Variants in LIPH observed in about 807,000 individuals in gnomAD.
LIPH encodes the protein lipase H.
Under a neutral mutation model 47.6 loss-of-function variants are expected in LIPH, and 32 were observed. The ratio of observed to expected loss-of-function variants is 0.67; its 90% CI spans 0.51 to 0.90. The LOEUF (loss-of-function observed/expected upper bound fraction) is 0.90. Ranked by LOEUF, LIPH falls within the 40% of genes least tolerant of loss-of-function variation. The pLI is 0.00. For synonymous variants in LIPH, 190 were observed against 195.6 expected, an observed-to-expected ratio of 0.97 and a Z score of 0.24; for missense variants, 497 against 541.4, an observed-to-expected ratio of 0.92 and a Z score of 0.81.
chr3:185,506,617 A>C lies in LIPH; in HGVS notation c.*2173T>G, dbSNP rs1354545368. On this transcript the variant is annotated 3_prime_UTR_variant, in exon 10 of 10. Coordinates refer to ENST00000296252, the MANE Select transcript of LIPH (RefSeq NM_139248.3). ...CCCAGAACTTTGAGAGGCCAAGGCC[A>C]GTGGATCACAAGGTCAGGAGTTCAA... is the stretch of plus-strand genomic sequence containing the variant. The C allele has an allele frequency of 6.6e-6, 1 of 152,076 alleles. No individual in the cohort carries two copies. The highest frequency in any genetic ancestry group is 1.5e-5 in the Non-Finnish European group (1 of 68,034). The allele number at this position is 152,076 out of a possible 1,614,324, so 9.4% of individuals were successfully genotyped here.
chr3:185,514,587 T>G, intron 7 of LIPH, 66 bp from the exon 8 acceptor site: 1 of 778,426 alleles, frequency 1.3e-6, no homozygotes, highest in Non-Finnish European at 2.4e-6. Flanking sequence ...AAGGGCTGGT[T>G]CCTAAAAACT....
At chr3:185,537,490 G>A (rs1720537846) in intron 1 of LIPH, among the ~76,000 whole-genome samples, 1 of 152,088 alleles carries the variant, frequency 6.6e-6, no homozygotes, top group Non-Finnish European at 1.5e-5. Context: ...TAAGTCGCAT[G>A]CTCCTGGGAA....
rs763397105 is a variant in LIPH, at chr3:185,519,300, T to C, written c.728A>G (p.Tyr243Cys). ...CPKTILGGFQ[Y>C]FKCDHQRSVY... ...AGACCTCTGGTGGTCACATTTAAAA[T>C]ACTGAAATCCTTGGTTGTAAAAGAA... is the stretch of plus-strand genomic sequence containing the variant. The change falls in exon 6 of 10, where the codon TAT (tyrosine) becomes TGT (cysteine). Residue 243 changes from tyrosine (Y) to cysteine (C), a missense_variant. Coordinates refer to ENST00000296252, the MANE Select transcript of LIPH (RefSeq NM_139248.3). The C allele has an allele frequency of 6.2e-7, 1 of 1,612,084 alleles. No individual in the cohort carries two copies. Among genetic ancestry groups the C allele is most frequent in the Non-Finnish European group, 8.5e-7 (1 of 1,178,320 alleles).
At chr3:185,537,649 T>C (rs1283813950) in intron 1 of LIPH, among the ~76,000 whole-genome samples, 1 of 152,110 alleles carries the variant, frequency 6.6e-6, no homozygotes, top group Non-Finnish European at 1.5e-5. Context: ...TTGTTCCTGG[T>C]TGTGCAACTG....
intron 1 of LIPH, among the ~76,000 whole-genome samples, chr3:185,547,397 T>C (rs74474250): frequency 0.047 from 7,088 of 152,248 alleles, 282 homozygotes; most frequent in South Asian, 0.21. Flanking sequence ...AGTTTTGGTT[T>C]CTAAGGTGTG....
chr3:185,524,205 C>G (rs771258550), intron 4 of LIPH, 45 bp from the exon 5 acceptor site: 2 of 1,141,028 alleles, frequency 1.8e-6, no homozygotes, highest in Non-Finnish European at 2.7e-6. Context: ...TGAATTTTTC[C>G]TATCTCACAG....
At position 185,506,498 on chromosome 3, in the gene LIPH, A is replaced by C. The variant is rs1425170872; in HGVS notation, c.*2292T>G. 1.3e-5 allele frequency: 2 copies of C among 151,044 alleles called. No individual in the cohort carries two copies. Among genetic ancestry groups the C allele is most frequent in the Non-Finnish European group, 2.9e-5 (2 of 68,032 alleles). 9.4% of individuals were successfully genotyped at this position (151,044 alleles called of 1,614,324 possible). On this transcript the variant is annotated 3_prime_UTR_variant, in exon 10 of 10. Coordinates refer to ENST00000296252, the MANE Select transcript of LIPH (RefSeq NM_139248.3). The stretch of plus-strand genomic sequence containing the variant: ...GTTTTGACTCCCTGCTTACCAGGAA[A>C]GAGAACAAAAAAGTGACTGTGCTGA...
intron 1 of LIPH, among the ~76,000 whole-genome samples, chr3:185,549,890 A>T (rs1170020689): frequency 6.6e-6 from 1 of 152,150 alleles, no homozygotes; most frequent in Non-Finnish European, 1.5e-5. Context: ...AGATTCCAGG[A>T]TCTCACTCCC....
Position 185,541,762 on chromosome 3 carries a change from A to T in LIPH, c.50-6630T>A, listed in dbSNP as rs576928587. Among the ~76,000 whole-genome samples the T allele has an allele frequency of 2.4e-3, 338 of 140,344 alleles. 2 individuals are homozygous for T. The highest frequency in any genetic ancestry group is 3.3e-3 in the Non-Finnish European group (215 of 64,876). 92.1% of individuals were successfully genotyped at this position (140,344 alleles called of 152,430 possible). On this transcript the variant is annotated intron_variant, in intron 1 of 9. Transcript: ENST00000296252. ...TTTATTTATTTATTTATTTATTATT[A>T]TTTTTTTTTTTAGAGACAGAGTCTC...
intron 1 of LIPH, among the ~76,000 whole-genome samples, chr3:185,541,948 G>T (rs1208084356): frequency 6.6e-6 from 1 of 151,424 alleles, no homozygotes; most frequent in Non-Finnish European, 1.5e-5. Flanking sequence ...GTAGAGACAG[G>T]TTTTCGCCAT....
At chr3:185,517,980 C>T (rs972948499) in intron 6 of LIPH, among the ~76,000 whole-genome samples, 12 of 152,142 alleles carry the variant, frequency 7.9e-5, no homozygotes, top group Non-Finnish European at 1.3e-4. Flanking sequence ...TACGTGCACA[C>T]AAGAGCCAGA....
At chr3:185,547,643 C>T (rs775598566) in intron 1 of LIPH, among the ~76,000 whole-genome samples, 1 of 151,722 alleles carries the variant, frequency 6.6e-6, no homozygotes, top group Non-Finnish European at 1.5e-5. Flanking sequence ...GCCAACATGG[C>T]GAAACCCCGT....
intron 8 of LIPH, among the ~76,000 whole-genome samples, chr3:185,514,033 C>T (rs1267713648): frequency 1.3e-5 from 2 of 152,070 alleles, no homozygotes; most frequent in African/African-American, 4.8e-5. Context: ...ATTAAATCAG[C>T]ATATTCATTT....
At chr3:185,529,964 AGGAAAGAAAGAAAG>A (rs201806524) in intron 3 of LIPH, among the ~76,000 whole-genome samples, 3,788 of 55,674 alleles carry the variant, frequency 0.068, 110 homozygotes, top group Middle Eastern at 0.15. Flanking sequence ...GAAAGAAAGA[AGGAAAGAAAGAAAG>A]AGAGAGAGAG....
At chr3:185,528,773 A>C (rs1720207939) in intron 3 of LIPH, among the ~76,000 whole-genome samples, 1 of 152,148 alleles carries the variant, frequency 6.6e-6, no homozygotes, top group African/African-American at 2.4e-5. Context: ...ACCCTTGGTC[A>C]ATGTTATTTG....
At chr3:185,548,745 A>AAAAAC (rs199898458) in intron 1 of LIPH, among the ~76,000 whole-genome samples, 3,783 of 151,484 alleles carry the variant, frequency 0.025, 107 homozygotes, top group South Asian at 0.067. Context: ...AAAACAAAAC[A>AAAAAC]AAAACAAAAC....
At chr3:185,513,634 A>G (rs1719637173) in intron 8 of LIPH, among the ~76,000 whole-genome samples, 1 of 152,228 alleles carries the variant, frequency 6.6e-6, no homozygotes, top group Non-Finnish European at 1.5e-5. Flanking sequence ...ACCCATGTTC[A>G]TAGCAGCACT....
Position 185,533,518 on chromosome 3 carries a change from C to G in LIPH, c.526+53G>C, listed in dbSNP as rs1720401471. 4 of 1,164,722 alleles carry G rather than the reference C, an allele frequency of 3.4e-6. No homozygotes were observed. In the Admixed American group the frequency reaches 6.7e-5, roughly 20 times the overall value. The allele number at this position is 1,164,722 out of a possible 1,614,324, so 72.1% of individuals were successfully genotyped here. ...TTGGATTGGCCTACATAATACTCCCCCAGTGAACACCCTGCCCAGGCTACC... is the reference window on the plus strand; with the variant it reads ...TTGGATTGGCCTACATAATACTCCCGCAGTGAACACCCTGCCCAGGCTACC... On this transcript the variant is annotated intron_variant, in intron 3 of 9. Transcript: ENST00000296252.
At chr3:185,541,648 C>T (rs59765744) in intron 1 of LIPH, among the ~76,000 whole-genome samples, 54,099 of 151,720 alleles carry the variant, frequency 0.36, 9,847 homozygotes, top group Non-Finnish European at 0.4. Flanking sequence ...TCAAATGATC[C>T]TCCTGCCTCA....
Sources: allele counts gnomAD v4.1 joint callset (sites outside exome capture counted in the v4.1 genomes callset), GRCh38; gene constraint gnomAD v4.1.1; transcripts MANE v1.5; gene names NCBI Gene and HGNC (gene_info 2026-07-23, HGNC 2026-07-21).